The following STK3 variants were observed in gnomAD, a reference collection of about 807,000 sequenced individuals.
STK3 encodes serine/threonine kinase 3.
STK3 carries 41 observed loss-of-function variants against 58.0 expected under a neutral mutation model. That is an observed-to-expected ratio of 0.71 (90% confidence interval 0.55 to 0.92). STK3 has a LOEUF of 0.92. Among genes scored for constraint, STK3 ranks in the 40% least tolerant of loss-of-function variants. STK3 has a pLI of 0.00. For missense variants in STK3, 479 were observed against 602.7 expected, an observed-to-expected ratio of 0.79 and a Z score of 2.15; for synonymous variants, 170 against 191.0, an observed-to-expected ratio of 0.89 and a Z score of 0.91.
chr8:98,787,932 A>T (rs971418926), intron 1 of STK3, among the ~76,000 whole-genome samples: 1 of 152,206 alleles, frequency 6.6e-6, no homozygotes, highest in African/African-American at 2.4e-5. Flanking sequence ...TGCTAAAAGG[A>T]GCTCTAAATC....
Position 98,732,711 on chromosome 8 carries a change from A to G in STK3, c.351+16565T>C, listed in dbSNP as rs559049644. Among the ~76,000 whole-genome samples, 13 of 152,310 alleles carry G rather than the reference A, an allele frequency of 8.5e-5. No homozygotes were observed. The South Asian group carries it at 1.7e-3, about 19-fold the overall frequency. Reference sequence around the variant, plus strand: ...GAAAAGAAATTCTAAGGATACGGCTATAAAACAGACCTCAAAGCAATAAGT... The same window carrying G: ...GAAAAGAAATTCTAAGGATACGGCTGTAAAACAGACCTCAAAGCAATAAGT... On this transcript the variant is annotated intron_variant, in intron 4 of 10. Coordinates refer to ENST00000419617, the MANE Select transcript of STK3 (RefSeq NM_006281.4).
intron 6 of STK3, among the ~76,000 whole-genome samples, chr8:98,674,807 TAGA>T (rs1412492533): frequency 1.3e-5 from 2 of 152,222 alleles, no homozygotes; most frequent in African/African-American, 2.4e-5. Flanking sequence ...GTTTTACTAT[TAGA>T]AGAAGGCTGT....
chr8:98,806,513 A>G (rs905150008), intron 1 of STK3, among the ~76,000 whole-genome samples: 2 of 152,170 alleles, frequency 1.3e-5, no homozygotes, highest in Admixed American at 1.3e-4. Flanking sequence ...GATTTCAGCA[A>G]AGTATACATG....
At chr8:98,569,899 CAA>C (rs994594741) in intron 8 of STK3, among the ~76,000 whole-genome samples, 2 of 131,082 alleles carry the variant, frequency 1.5e-5, no homozygotes. Context: ...TGGTTTTCCT[CAA>C]AAAAAAAAAA....
intron 3 of STK3, among the ~76,000 whole-genome samples, chr8:98,402,543 T>C (rs1056689384): frequency 6.6e-6 from 1 of 152,098 alleles, no homozygotes; most frequent in African/African-American, 2.4e-5. Flanking sequence ...GCCAGATAGG[T>C]GCTCTCCTCT....
intron 8 of STK3, among the ~76,000 whole-genome samples, chr8:98,569,095 C>T (rs1435824004): frequency 2.0e-5 from 3 of 152,138 alleles, no homozygotes; most frequent in Non-Finnish European, 4.4e-5. Flanking sequence ...CATCTATCTT[C>T]TCATCAGCAT....
At chr8:98,710,593 G>T (rs1043699416) in intron 4 of STK3, among the ~76,000 whole-genome samples, 4 of 152,252 alleles carry the variant, frequency 2.6e-5, no homozygotes, top group Admixed American at 6.5e-5. Context: ...GAGGCTGGGG[G>T]AGGGGCGCCT....
At chr8:98,856,680 A>G (rs935045713) in intron 3 of STK3, among the ~76,000 whole-genome samples, 1 of 152,228 alleles carries the variant, frequency 6.6e-6, no homozygotes, top group Non-Finnish European at 1.5e-5. Flanking sequence ...AGATTACCAT[A>G]AGACCCAGTG....
In STK3 at chr8:98,922,328, T is replaced by C. The variant is rs374340008; in HGVS notation, c.-79+20050A>G. ...GAGGAGAAATAAAAATATTCTGGGT[T>C]ATTGGGCTTCAGAGAGTCACTGAAT... is the stretch of plus-strand genomic sequence containing the variant. On this transcript the variant is annotated intron_variant, in intron 1 of 1. Coordinates refer to the STK3 transcript ENST00000519420. 5.3e-5 allele frequency among the ~76,000 whole-genome samples: 8 copies of C among 152,258 alleles called. No individual in the cohort carries two copies. In the East Asian group the frequency reaches 1.2e-3, roughly 22 times the overall value.
Position 98,707,865 on chromosome 8 carries a change from G to A in STK3, c.352-554C>T, listed in dbSNP as rs531152262. ...TTAAGATTATCAGTATCAGCAGGGC[G>A]TGGTGGCTCACACCTGTAATCCCAG... On this transcript the variant is annotated intron_variant, in intron 4 of 10. Coordinates refer to ENST00000419617, the MANE Select transcript of STK3 (RefSeq NM_006281.4). Among the ~76,000 whole-genome samples the A allele has an allele frequency of 7.8e-4, 119 of 152,140 alleles. 1 individual carries two copies. The highest frequency in any genetic ancestry group is 2.8e-3 in the African/African-American group (115 of 41,528).
At chr8:98,450,362 A>G (rs750410055), downstream of STK3, among the ~76,000 whole-genome samples, 6 of 152,250 alleles carry the variant, frequency 3.9e-5, no homozygotes, top group African/African-American at 1.4e-4. Context: ...TTTACGTGTC[A>G]TATGTCAAGA....
chr8:98,627,679 T>C (rs1479066523), intron 6 of STK3, among the ~76,000 whole-genome samples: 1 of 152,056 alleles, frequency 6.6e-6, no homozygotes, highest in Admixed American at 6.5e-5. Context: ...TGTAGAACTG[T>C]AGGCCAATTA....
chr8:98,470,952 C>T (rs1020154549), intron 10 of STK3, among the ~76,000 whole-genome samples: 2 of 152,108 alleles, frequency 1.3e-5, no homozygotes, highest in South Asian at 2.1e-4. Flanking sequence ...GGAAGCAGTA[C>T]AACAGAATAA....
chr8:98,495,703 G>A (rs1823076508), intron 10 of STK3, among the ~76,000 whole-genome samples: 1 of 152,076 alleles, frequency 6.6e-6, no homozygotes, highest in African/African-American at 2.4e-5. Flanking sequence ...ACATGCAATA[G>A]CAATTTTCCA....
chr8:98,360,536 T>G, the STK3 span, among the ~76,000 whole-genome samples: 5 of 152,132 alleles, frequency 3.3e-5, no homozygotes, highest in East Asian at 9.6e-4. Context: ...TTTCATTAAT[T>G]TCCCCAAGCC....
chr8:98,893,496 GAA>G (rs1202526757), intron 1 of STK3, among the ~76,000 whole-genome samples: 60 of 102,934 alleles, frequency 5.8e-4, no homozygotes, highest in African/African-American at 1.1e-3. Flanking sequence ...GAGAAAGAAA[GAA>G]AGAAAGAAAG....
chr8:98,381,027 A>G (rs1817726620), intron 1 of STK3, among the ~76,000 whole-genome samples: 1 of 123,384 alleles, frequency 8.1e-6, no homozygotes. Flanking sequence ...CTGGAGTGCA[A>G]TGGCGCAATC....
intron 10 of STK3, among the ~76,000 whole-genome samples, chr8:98,508,858 T>A (rs1296104966): frequency 6.6e-6 from 1 of 152,154 alleles, no homozygotes; most frequent in Non-Finnish European, 1.5e-5. Context: ...CAAATAAATA[T>A]TTTAACTGCA....
At chr8:98,347,936 C>A in the STK3 span, among the ~76,000 whole-genome samples, 1 of 152,074 alleles carries the variant, frequency 6.6e-6, no homozygotes, top group Admixed American at 6.5e-5. Flanking sequence ...TATGGAGAGG[C>A]AAAAGACCCA....
Sources: allele counts gnomAD v4.1 joint callset (sites outside exome capture counted in the v4.1 genomes callset), GRCh38; gene constraint gnomAD v4.1.1; transcripts MANE v1.5; gene names NCBI Gene and HGNC (gene_info 2026-07-23, HGNC 2026-07-21).